The following HDAC9 variants were observed in gnomAD, a reference collection of about 807,000 sequenced individuals.
HDAC9 encodes MEF-2 interacting transcription repressor (MITR) protein.
A neutral mutation model predicts 139.4 loss-of-function variants in HDAC9; 41 were observed. The ratio of observed to expected loss-of-function variants is 0.29; its 90% CI spans 0.23 to 0.38. The LOEUF is 0.38. HDAC9 is among the 10% of genes least tolerant of loss of function. The pLI, the probability that HDAC9 is intolerant of heterozygous loss-of-function variation, is 1.00. For missense variants in HDAC9, 1,147 were observed against 1,297.0 expected, an observed-to-expected ratio of 0.88 and a Z score of 1.78; for synonymous variants, 517 against 476.2, an observed-to-expected ratio of 1.09 and a Z score of -1.12.
chr7:18,611,667 T>C (rs1301663115), intron 6 of HDAC9, among the ~76,000 whole-genome samples: 1 of 152,126 alleles, frequency 6.6e-6, no homozygotes, highest in African/African-American at 2.4e-5. Context: ...TGATATCTAA[T>C]ATCATTGAGA....
intron 2 of HDAC9, among the ~76,000 whole-genome samples, chr7:18,242,471 T>G (rs1020047664): frequency 1.3e-5 from 2 of 152,212 alleles, no homozygotes; most frequent in African/African-American, 4.8e-5. Context: ...TCTAACCTGA[T>G]AATGTAACAT....
chr7:18,411,355 A>G (rs986325786), intron 1 of HDAC9, among the ~76,000 whole-genome samples: 11 of 152,216 alleles, frequency 7.2e-5, no homozygotes, highest in Admixed American at 7.2e-4. Flanking sequence ...ACAGTATTCA[A>G]TAAATTACAT....
At chr7:18,744,883 C>G (rs1484821827) in intron 13 of HDAC9, among the ~76,000 whole-genome samples, 2 of 151,998 alleles carry the variant, frequency 1.3e-5, no homozygotes, top group African/African-American at 4.8e-5. Flanking sequence ...TACGTATTTT[C>G]TACATATATA....
intron 1 of HDAC9, among the ~76,000 whole-genome samples, chr7:18,300,135 T>C (rs1276018469): frequency 6.6e-6 from 1 of 152,108 alleles, no homozygotes; most frequent in African/African-American, 2.4e-5. Context: ...TGGCTTTGAA[T>C]GCAGCCCAAC....
Position 18,999,128 on chromosome 7 carries a change from T to C in HDAC9, c.*3066T>C, listed in dbSNP as rs910377497. 2.0e-5 allele frequency: 3 copies of C among 152,126 alleles called. No homozygotes were observed. The highest frequency in any genetic ancestry group is 7.2e-5 in the African/African-American group (3 of 41,420). 9.4% of individuals were successfully genotyped at this position (152,126 alleles called of 1,614,324 possible). On this transcript the variant is annotated 3_prime_UTR_variant, in exon 26 of 26. Transcript: ENST00000686413. ...GTCAGCTTTGGAGAAAATAGAGATA[T>C]TTATGAAAAAACTACTACAAATCAC... is the stretch of plus-strand genomic sequence containing the variant.
At chr7:18,308,376 T>A (rs1294808108) in intron 1 of HDAC9, among the ~76,000 whole-genome samples, 1 of 152,204 alleles carries the variant, frequency 6.6e-6, no homozygotes, top group African/African-American at 2.4e-5. Context: ...ACTTTTCTTT[T>A]GAGGAAAAGG....
intron 12 of HDAC9, chr7:18,667,602 C>G (rs1378633602): frequency 1.0e-6 from 1 of 985,106 alleles, no homozygotes; most frequent in East Asian, 1.1e-4. Flanking sequence ...TGTCAGGTTC[C>G]TGCTGTTCTC....
At chr7:18,878,381 G>T (rs1799482101) in intron 22 of HDAC9, among the ~76,000 whole-genome samples, 1 of 149,046 alleles carries the variant, frequency 6.7e-6, no homozygotes, top group Non-Finnish European at 1.5e-5. Flanking sequence ...ATTGTGAGAT[G>T]ATAGCCATAT....
At chr7:18,953,723 A>G (rs1180715795) in intron 23 of HDAC9, among the ~76,000 whole-genome samples, 3 of 152,104 alleles carry the variant, frequency 2.0e-5, no homozygotes, top group Non-Finnish European at 2.9e-5. Flanking sequence ...GGTTGGATGT[A>G]AAAACACTGT....
rs181205075 is a variant in HDAC9, at chr7:18,524,909, A to G, written c.22+28585A>G. 3.2e-3 allele frequency among the ~76,000 whole-genome samples: 483 copies of G among 151,348 alleles called. 3 individuals are homozygous for G. The highest frequency in any genetic ancestry group is 0.011 in the African/African-American group (466 of 41,262). ...ACACACACACACACACACATTACAGATAAGTATATATATGGAAAAATATGT... is the reference window on the plus strand; with the variant it reads ...ACACACACACACACACACATTACAGGTAAGTATATATATGGAAAAATATGT... On this transcript the variant is annotated intron_variant, in intron 2 of 25. Coordinates refer to ENST00000686413, the MANE Select transcript of HDAC9 (RefSeq NM_178425.4).
chr7:18,463,077 T>G (rs1444251172), intron 1 of HDAC9, among the ~76,000 whole-genome samples: 3 of 152,018 alleles, frequency 2.0e-5, no homozygotes, highest in Non-Finnish European at 4.4e-5. Flanking sequence ...AGTTTCAGTT[T>G]TAATTAAAAT....
Position 18,764,648 on chromosome 7 carries a change from A to G in HDAC9, c.2164+2371A>G, listed in dbSNP as rs76410362. ...TGTTGTTGTTTGTTTGTTTGTTTGT[A>G]TCTGGAAGACCGGATTGAAGCTGCC... On this transcript the variant is annotated intron_variant, in intron 15 of 25. Transcript: ENST00000686413. Among the ~76,000 whole-genome samples, 447 of 151,980 alleles carry G rather than the reference A, an allele frequency of 2.9e-3. 2 individuals are homozygous for G. The highest frequency in any genetic ancestry group is 0.01 in the African/African-American group (424 of 41,458).
At chr7:18,596,681 C>G (rs567809818) in intron 6 of HDAC9, among the ~76,000 whole-genome samples, 1 of 152,188 alleles carries the variant, frequency 6.6e-6, no homozygotes, top group African/African-American at 2.4e-5. Context: ...TAAACACCAG[C>G]CCAGCTACTG....
chr7:18,924,467 G>T (rs1378230115), intron 22 of HDAC9, among the ~76,000 whole-genome samples: 1 of 152,054 alleles, frequency 6.6e-6, no homozygotes, highest in African/African-American at 2.4e-5. Flanking sequence ...CATCAGTTTT[G>T]CCCAGAGGGT....
intron 1 of HDAC9, among the ~76,000 whole-genome samples, chr7:18,378,067 A>T (rs1785133108): frequency 6.6e-6 from 1 of 152,180 alleles, no homozygotes; most frequent in South Asian, 2.1e-4. Context: ...AGTTAGCAAA[A>T]TGAAGTGCTC....
chr7:18,522,954 A>T (rs1387276836), intron 2 of HDAC9, among the ~76,000 whole-genome samples: 1 of 152,210 alleles, frequency 6.6e-6, no homozygotes, highest in African/African-American at 2.4e-5. Context: ...TCTTGCTTCC[A>T]AGAGCACATT....
intron 2 of HDAC9, among the ~76,000 whole-genome samples, chr7:18,251,661 T>C (rs1794924139): frequency 6.6e-6 from 1 of 152,202 alleles, no homozygotes; most frequent in Non-Finnish European, 1.5e-5. Flanking sequence ...TTGAATTTTT[T>C]CTGGTAGGAC....
At chr7:18,743,305 T>C (rs1787623464) in intron 13 of HDAC9, among the ~76,000 whole-genome samples, 1 of 152,152 alleles carries the variant, frequency 6.6e-6, no homozygotes, top group Admixed American at 6.6e-5. Flanking sequence ...TTCTACCCAC[T>C]TCCTTTCTAG....
intron 1 of HDAC9, among the ~76,000 whole-genome samples, chr7:18,375,858 A>G (rs1784958014): frequency 1.3e-5 from 2 of 152,238 alleles, no homozygotes; most frequent in African/African-American, 4.8e-5. Context: ...GAAATGCATT[A>G]GGATCTGTCC....
Sources: gnomAD v4.1 joint callset for allele counts (sites outside exome capture counted in the v4.1 genomes callset) on GRCh38, gnomAD v4.1.1 for gene constraint, MANE v1.5 for transcripts, NCBI Gene and HGNC (gene_info 2026-07-23, HGNC 2026-07-21) for gene names.